AGBL4: variants seen among roughly 807,000 people sequenced by gnomAD.
The protein encoded by AGBL4 is AGBL carboxypeptidase 4, also known as cytosolic carboxypeptidase 6.
AGBL4 carries 58 observed loss-of-function variants against 66.4 expected under a neutral mutation model. That is an observed-to-expected ratio of 0.87 (90% CI 0.71 to 1.09). The LOEUF is 1.09. Among genes scored for constraint, AGBL4 ranks in the 50% least tolerant of loss-of-function variants. AGBL4 has a pLI of 0.00. For missense variants in AGBL4, 579 were observed against 631.0 expected, an observed-to-expected ratio of 0.92 and a Z score of 0.88; for synonymous variants, 234 against 222.9, an observed-to-expected ratio of 1.05 and a Z score of -0.44.
intron 1 of AGBL4, among the ~76,000 whole-genome samples, chr1:50,011,504 C>T (rs1368184849): frequency 1.3e-5 from 2 of 152,164 alleles, no homozygotes; most frequent in African/African-American, 4.8e-5. Context: ...AATTGAGCTA[C>T]CTATGATCCA....
At position 49,066,518 on chromosome 1, in the gene AGBL4, A is replaced by G. The variant is rs375971610; in HGVS notation, c.378-20718T>C. Among the ~76,000 whole-genome samples, 53 of 152,160 alleles carry G rather than the reference A, an allele frequency of 3.5e-4. 1 individual carries two copies. In the South Asian group the frequency reaches 0.01, roughly 29 times the overall value. On this transcript the variant is annotated intron_variant, in intron 4 of 13. Transcript: ENST00000371839. Reference sequence around the variant, plus strand: ...AGTAAGCCAAGACTGCACCACTGCAACTCCAGCCTGGTGACAGAGCAAGAC... The same window carrying G: ...AGTAAGCCAAGACTGCACCACTGCAGCTCCAGCCTGGTGACAGAGCAAGAC...
At chr1:49,641,687 T>C (rs1021527823) in intron 3 of AGBL4, among the ~76,000 whole-genome samples, 2 of 152,080 alleles carry the variant, frequency 1.3e-5, no homozygotes, top group Non-Finnish European at 2.9e-5. Flanking sequence ...ATTTATTTTC[T>C]CTTATCTTGC....
chr1:49,963,071 C>A (rs116727696), intron 1 of AGBL4, among the ~76,000 whole-genome samples: 133 of 152,222 alleles, frequency 8.7e-4, no homozygotes, highest in African/African-American at 3.2e-3. Context: ...GACCATAGAA[C>A]TGAATATACA....
chr1:49,379,043 T>C (rs1478777941), intron 3 of AGBL4, among the ~76,000 whole-genome samples: 2 of 152,048 alleles, frequency 1.3e-5, no homozygotes, highest in African/African-American at 2.4e-5. Flanking sequence ...AAGGAAAATG[T>C]GGTAGGCCTA....
intron 4 of AGBL4, among the ~76,000 whole-genome samples, chr1:49,128,063 T>C (rs1244253380): frequency 1.3e-5 from 2 of 151,944 alleles, no homozygotes; most frequent in East Asian, 3.9e-4. Flanking sequence ...AAAGAGCAAT[T>C]ATAATTATGT....
At chr1:49,326,086 A>G (rs1399691391) in intron 3 of AGBL4, among the ~76,000 whole-genome samples, 2 of 152,336 alleles carry the variant, frequency 1.3e-5, no homozygotes, top group South Asian at 2.1e-4. Flanking sequence ...ACGGACTAAT[A>G]TAGAACTTCA....
chr1:49,466,241 T>C (rs772610153), intron 3 of AGBL4, among the ~76,000 whole-genome samples: 4 of 151,936 alleles, frequency 2.6e-5, no homozygotes, highest in African/African-American at 9.7e-5. Context: ...AATCATTTTA[T>C]AGAATTTGGG....
At chr1:49,429,521 G>A (rs1645737064) in intron 3 of AGBL4, among the ~76,000 whole-genome samples, 1 of 152,138 alleles carries the variant, frequency 6.6e-6, no homozygotes, top group Non-Finnish European at 1.5e-5. Context: ...ATATTCAAAT[G>A]TCTGTGTGAG....
chr1:49,086,857 T>A (rs1644916747), intron 4 of AGBL4, among the ~76,000 whole-genome samples: 1 of 151,988 alleles, frequency 6.6e-6, no homozygotes, highest in African/African-American at 2.4e-5. Context: ...CTGTAGCCCC[T>A]GCCTGAGGGA....
intron 4 of AGBL4, among the ~76,000 whole-genome samples, chr1:49,198,218 A>G (rs1647388599): frequency 6.6e-6 from 1 of 151,986 alleles, no homozygotes; most frequent in Non-Finnish European, 1.5e-5. Flanking sequence ...TGGATTATAC[A>G]ATGCAGACTA....
At chr1:48,703,475 A>C (rs1378789416) in intron 6 of AGBL4, among the ~76,000 whole-genome samples, 1 of 152,224 alleles carries the variant, frequency 6.6e-6, no homozygotes, top group African/African-American at 2.4e-5. Flanking sequence ...TCTAGATTCG[A>C]ATTATCAATA....
At chr1:49,919,676 C>T (rs1328909658) in intron 1 of AGBL4, among the ~76,000 whole-genome samples, 11 of 151,844 alleles carry the variant, frequency 7.2e-5, no homozygotes, top group Middle Eastern at 3.4e-3. Context: ...AGGTAATTTA[C>T]AGATTCAATG....
chr1:49,261,657 A>G (rs1212537342), intron 3 of AGBL4, among the ~76,000 whole-genome samples: 1 of 152,088 alleles, frequency 6.6e-6, no homozygotes, highest in Non-Finnish European at 1.5e-5. Flanking sequence ...ATGAAATAAA[A>G]GAGGATACAA....
At chr1:49,658,901 C>G (rs1285442131) in intron 3 of AGBL4, among the ~76,000 whole-genome samples, 1 of 151,854 alleles carries the variant, frequency 6.6e-6, no homozygotes, top group African/African-American at 2.4e-5. Context: ...GGAGATATAC[C>G]TAATGTAAAT....
intron 4 of AGBL4, among the ~76,000 whole-genome samples, chr1:49,243,067 A>G (rs1431754782): frequency 6.6e-6 from 1 of 151,032 alleles, no homozygotes; most frequent in East Asian, 1.9e-4. Context: ...ATACACACAC[A>G]TACATACATA....
intron 2 of AGBL4, among the ~76,000 whole-genome samples, chr1:49,753,139 C>T (rs376143472): frequency 3.9e-5 from 6 of 152,264 alleles, no homozygotes; most frequent in Non-Finnish European, 5.9e-5. Context: ...TTGCCCATTA[C>T]TTGATGCAGT....
At chr1:49,554,621 G>T (rs1653253201) in intron 3 of AGBL4, among the ~76,000 whole-genome samples, 1 of 152,174 alleles carries the variant, frequency 6.6e-6, no homozygotes, top group Non-Finnish European at 1.5e-5. Context: ...AAAGTAGAAG[G>T]CTCCATCAAT....
chr1:49,350,039 C>T (rs918266770), intron 3 of AGBL4, among the ~76,000 whole-genome samples: 1 of 152,154 alleles, frequency 6.6e-6, no homozygotes, highest in Admixed American at 6.5e-5. Flanking sequence ...GCCACCCTGT[C>T]TGTAATATTT....
At chr1:49,630,669 T>C (rs912124011) in intron 3 of AGBL4, among the ~76,000 whole-genome samples, 31 of 152,182 alleles carry the variant, frequency 2.0e-4, no homozygotes, top group Non-Finnish European at 7.3e-5. Context: ...TCCTGGCAGA[T>C]AGGCTAATTA....
Sources: allele counts gnomAD v4.1 joint callset (sites outside exome capture counted in the v4.1 genomes callset), GRCh38; gene constraint gnomAD v4.1.1; transcripts MANE v1.5; gene names NCBI Gene and HGNC (gene_info 2026-07-23, HGNC 2026-07-21).